The following MATR3 variants were observed in gnomAD, a reference collection of about 807,000 sequenced individuals.
The protein encoded by MATR3 is matrin-3.
In MATR3, 4 loss-of-function variants were observed where a neutral mutation model predicts 85.5. The ratio of observed to expected loss-of-function variants is 0.05; its 90% CI spans 0.02 to 0.11. The LOEUF (loss-of-function observed/expected upper bound fraction) is 0.11, where lower values mean the gene tolerates loss of function less well. MATR3 is among the 10% of genes least tolerant of loss of function. The pLI, the probability that MATR3 is intolerant of heterozygous loss-of-function variation, is 1.00. For synonymous variants in MATR3, 336 were observed against 343.1 expected (o/e 0.98, Z 0.23); for missense variants, 685 against 1,016.1 (o/e 0.67, Z 4.43).
chr5:139,296,855 G>A (rs974363410), intron 1 of MATR3, among the ~76,000 whole-genome samples: 1 of 152,174 alleles, frequency 6.6e-6, no homozygotes, highest in Non-Finnish European at 1.5e-5. Context: ...TTACAGTACA[G>A]CTATCCCACA....
rs770518441 is a variant in MATR3 at position 139,330,572 on chromosome 5, G to T, written c.*1177G>T. 25 of 453,950 alleles carry T rather than the reference G, an allele frequency of 5.5e-5. No homozygotes were observed. The highest frequency in any genetic ancestry group is 9.7e-5 in the Non-Finnish European group (22 of 226,792). 28.1% of individuals were successfully genotyped at this position (453,950 alleles called of 1,614,324 possible). A position where few individuals can be genotyped will look rare whatever the true frequency, so the allele number is the denominator to read the frequency against. ...CTGAGTTTTAAAAATGTTGTTGCTG[G>T]TGGATTTCTTGTTCCTGTTACATAA... On this transcript the variant is annotated 3_prime_UTR_variant, in exon 15 of 15. Coordinates refer to ENST00000394805, the MANE Select transcript of MATR3 (RefSeq NM_018834.6).
chr5:139,299,286 G>T (rs1376827333), intron 1 of MATR3, among the ~76,000 whole-genome samples: 1 of 152,208 alleles, frequency 6.6e-6, no homozygotes, highest in East Asian at 1.9e-4. Context: ...TCTGTAAATG[G>T]AATAGTAAGC....
intron 5 of MATR3, 105 bp downstream of exon 5, chr5:139,316,293 T>C: frequency 1.2e-6 from 1 of 808,236 alleles, no homozygotes; most frequent in East Asian, 2.7e-5. Flanking sequence ...TCGCCCAGGC[T>C]GGAGTGCAAT....
Position 139,307,648 on chromosome 5 carries a change from C to A in MATR3, c.233C>A (p.Thr78Asn), listed in dbSNP as rs1475340889. The change falls in exon 2 of 15, where the codon ACT becomes AAT. Residue 78 changes from threonine to asparagine, a missense_variant. Thr to Asn is a moderately conservative substitution (Grantham distance 65). This residue lies in a region of MATR3 where 57 missense variants were observed against 68.6 expected (regional missense o/e 0.83). Transcript: ENST00000394805. The surrounding 1 kb of genome is among the most constrained non-coding windows in gnomAD (Gnocchi z 4.4). ...GAHSALSSASTSSHNLQSIFN... is the reference protein window; with the variant it reads ...GAHSALSSASNSSHNLQSIFN... ...CATAGTGCACTGTCTTCTGCTAGTA[C>A]TTCTTCCCATAATTTGCAGTCTATA... is the stretch of plus-strand genomic sequence containing the variant. 1 of 1,614,172 alleles carries A rather than the reference C, an allele frequency of 6.2e-7. No homozygotes were observed. The highest frequency in any genetic ancestry group is 1.7e-5 in the Admixed American group (1 of 60,016).
Position 139,307,961 on chromosome 5 carries a change from G to T in MATR3, c.546G>T (p.Arg182Ser). 1.9e-6 allele frequency: 3 copies of T among 1,614,166 alleles called. No homozygotes were observed. The highest frequency in any genetic ancestry group is 2.5e-6 in the Non-Finnish European group (3 of 1,180,026). Residue 182 changes from arginine to serine, a missense_variant, in exon 2 of 15, where the codon AGG (arginine) becomes AGT (serine). Arg to Ser is a moderately radical substitution (Grantham distance 110). Around this residue, in one of 9 missense-constraint regions of MATR3, gnomAD observed 223 missense variants for 334.4 expected, o/e 0.67. Coordinates refer to ENST00000394805, the MANE Select transcript of MATR3 (RefSeq NM_018834.6). This position sits in a 1 kb window ranked among gnomAD's most constrained non-coding sequence, Gnocchi z 4.4. The stretch of plus-strand genomic sequence containing the variant: ...CTAGGGATGATTGGGAAGAAAAAAG[G>T]CACTTTAGAAGAGATAGTTTTGATG... ...RVPRDDWEEK[R>S]HFRRDSFDDR... is the part of the protein sequence containing the mutation.
intron 2 of MATR3, among the ~76,000 whole-genome samples, chr5:139,277,858 T>A (rs937232984): frequency 2.0e-5 from 3 of 150,568 alleles, no homozygotes; most frequent in African/African-American, 7.3e-5. Flanking sequence ...AATGAGTAAA[T>A]CATGCTAGTT....
chr5:139,294,364 C>T (rs1211423798), intron 1 of MATR3, among the ~76,000 whole-genome samples: 2 of 152,174 alleles, frequency 1.3e-5, no homozygotes, highest in African/African-American at 4.8e-5. Flanking sequence ...TTCGCAGACT[C>T]TGAAGAGCCT....
chr5:139,300,581 G>A (rs762541267), intron 1 of MATR3, among the ~76,000 whole-genome samples: 3 of 152,170 alleles, frequency 2.0e-5, no homozygotes, highest in Non-Finnish European at 2.9e-5. Context: ...TTAGTTTTAT[G>A]AGGATCAGAT....
upstream of MATR3, among the ~76,000 whole-genome samples, chr5:139,292,832 A>C (rs757660480): frequency 6.6e-6 from 1 of 152,126 alleles, no homozygotes; most frequent in East Asian, 1.9e-4. Flanking sequence ...AGTCCCAGCT[A>C]CTCCGGAGGC....
At position 139,308,085 on chromosome 5, in the gene MATR3, T is replaced by C. The variant is rs761066793; in HGVS notation, c.670T>C (p.Leu224=). Residue 224 remains leucine, a synonymous_variant, in exon 2 of 15, where the codon TTA becomes CTA. Coordinates refer to ENST00000394805, the MANE Select transcript of MATR3 (RefSeq NM_018834.6). ...YDRMDYEDDR[L]RDGERCRDDS... is the part of the protein sequence containing the mutation. ...CAGAATGGATTATGAAGATGACAGA[T>C]TAAGAGATGGAGAAAGGTGTAGGGA... 2.1e-5 allele frequency: 34 copies of C among 1,613,940 alleles called. No individual in the cohort carries two copies. The East Asian group carries it at 7.6e-4, about 36-fold the overall frequency.
At chr5:139,302,500 A>G (rs1268953732) in intron 1 of MATR3, among the ~76,000 whole-genome samples, 1 of 152,248 alleles carries the variant, frequency 6.6e-6, no homozygotes, top group African/African-American at 2.4e-5. Context: ...AATGGAAACT[A>G]TGGTAAATTC....
chr5:139,317,519 A>G lies in MATR3; in HGVS notation c.1183-77A>G, dbSNP rs1214896679. On this transcript the variant is annotated intron_variant, in intron 6 of 14. Coordinates refer to ENST00000394805, the MANE Select transcript of MATR3 (RefSeq NM_018834.6). ...CTCTCCTGGTTAATTATAGATTATAAAAAGTCCTAATGCGTAATTGGTTTC... is the reference window on the plus strand; with the variant it reads ...CTCTCCTGGTTAATTATAGATTATAGAAAGTCCTAATGCGTAATTGGTTTC... The G allele has an allele frequency of 5.0e-6, 7 of 1,387,904 alleles. No homozygotes were observed. The East Asian group carries it at 1.6e-4, about 32-fold the overall frequency. The allele number at this position is 1,387,904 out of a possible 1,614,324, so 86.0% of individuals were successfully genotyped here.
At chr5:139,305,374 G>A (rs565431430) in intron 1 of MATR3, among the ~76,000 whole-genome samples, 5 of 152,092 alleles carry the variant, frequency 3.3e-5, no homozygotes, top group African/African-American at 1.2e-4. Context: ...AAACATAATT[G>A]TAATACCATT....
Position 139,315,963 on chromosome 5 carries a change from C to T in MATR3, c.1017-113C>T, listed in dbSNP as rs540000943. 1.0e-5 allele frequency: 9 copies of T among 874,982 alleles called. No individual in the cohort carries two copies. The East Asian group carries it at 2.2e-4, about 21-fold the overall frequency. The allele number at this position is 874,982 out of a possible 1,614,324, so 54.2% of individuals were successfully genotyped here. On this transcript the variant is annotated intron_variant, in intron 4 of 14. Transcript: ENST00000394805. Reference sequence around the variant, plus strand: ...TTGACCTAGTTACTTCACAGATACTCTGAAAGATTGAAGTGGTTGTGGTCA... The same window carrying T: ...TTGACCTAGTTACTTCACAGATACTTTGAAAGATTGAAGTGGTTGTGGTCA...
chr5:139,278,339 G>T (rs1753376569), intron 2 of MATR3: 1 of 453,786 alleles, frequency 2.2e-6, no homozygotes, highest in East Asian at 6.9e-5. Context: ...TGACTTGAAA[G>T]TAGGGCATCC....
In MATR3 at chr5:139,315,908, A is replaced by G. The variant is rs1271576903; in HGVS notation, c.1017-168A>G. The G allele has an allele frequency of 4.0e-6, 3 of 752,210 alleles. No homozygotes were observed. In the African/African-American group the frequency reaches 5.3e-5, roughly 13 times the overall value. The allele number at this position is 752,210 out of a possible 1,614,324, so 46.6% of individuals were successfully genotyped here. On this transcript the variant is annotated intron_variant, in intron 4 of 14. Coordinates refer to ENST00000394805, the MANE Select transcript of MATR3 (RefSeq NM_018834.6). ...TTTTTAGAATATATATTATGTAGTA[A>G]TTTGTATTCTTTTATTGTTAATGTA... is the stretch of plus-strand genomic sequence containing the variant.
At chr5:139,317,509 A>G (rs529157177) in intron 6 of MATR3, 87 bp from the exon 7 acceptor site, 4 of 1,296,586 alleles carry the variant, frequency 3.1e-6, no homozygotes, top group South Asian at 1.2e-5. Flanking sequence ...CTGGTTAATT[A>G]TAGATTATAA....
rs1032049410 is a variant in MATR3, at chr5:139,330,824, G to T, written c.*1429G>T. On this transcript the variant is annotated 3_prime_UTR_variant, in exon 15 of 15. Coordinates refer to ENST00000394805, the MANE Select transcript of MATR3 (RefSeq NM_018834.6). The stretch of plus-strand genomic sequence containing the variant: ...ATTTTTTTTTCTTCCCTGACACAGG[G>T]TCTCACTCTGTCACCCAGACTGGAG... The T allele has an allele frequency of 4.4e-6, 2 of 453,942 alleles. No individual in the cohort carries two copies. The highest frequency in any genetic ancestry group is 8.8e-6 in the Non-Finnish European group (2 of 226,798). The allele number at this position is 453,942 out of a possible 1,614,324, so 28.1% of individuals were successfully genotyped here.
intron 2 of MATR3, chr5:139,313,638 A>G (rs1755106815): frequency 1.3e-5 from 2 of 152,214 alleles, no homozygotes; most frequent in African/African-American, 4.8e-5. Flanking sequence ...AAAGTAAACC[A>G]TAAAAGAGTA....
Sources: gnomAD v4.1 joint callset for allele counts (sites outside exome capture counted in the v4.1 genomes callset) on GRCh38, gnomAD v4.1.1 for gene constraint, gnomAD v4.1.1 regional missense constraint, Gnocchi (gnomAD v3.1) non-coding constraint, MANE v1.5 for transcripts, NCBI Gene and HGNC (gene_info 2026-07-23, HGNC 2026-07-21) for gene names.